MYO9A: variants seen among roughly 807,000 people sequenced by gnomAD.
MYO9A encodes unconventional myosin-IXa.
In MYO9A, 103 loss-of-function variants were observed where a neutral mutation model predicts 293.3. The ratio of observed to expected loss-of-function variants is 0.35; its 90% CI spans 0.30 to 0.41. MYO9A has a LOEUF of 0.41. MYO9A is among the 10% of genes least tolerant of loss of function. The probability of loss-of-function intolerance (pLI) is 1.00; values close to 1 mark genes in which losing one functional copy is unlikely to be tolerated. For synonymous variants in MYO9A, 1,001 were observed against 1,035.7 expected, an observed-to-expected ratio of 0.97 and a Z score of 0.64; for missense variants, 2,685 against 3,033.0, an observed-to-expected ratio of 0.89 and a Z score of 2.69.
chr15:71,827,228 C>T lies in MYO9A; in HGVS notation c.7184-185G>A, dbSNP rs10518970. On this transcript the variant is annotated intron_variant, in intron 41 of 41. Transcript: ENST00000356056. ...CATCCATTTCTCTATGTAGCATTTCCGAATCATCTCCAAGGAAATCTGGTG... is the reference window on the plus strand; with the variant it reads ...CATCCATTTCTCTATGTAGCATTTCTGAATCATCTCCAAGGAAATCTGGTG... 0.05 allele frequency among the ~76,000 whole-genome samples: 7,658 copies of T among 152,214 alleles called. 228 individuals carry two copies. The highest frequency in any genetic ancestry group is 0.078 in the Middle Eastern group (23 of 294).
At chr15:72,046,672 A>G in intron 1 of MYO9A, 38 bp from the exon 2 acceptor site, 1 of 1,331,376 alleles carries the variant, frequency 7.5e-7, no homozygotes, top group East Asian at 2.3e-5. Context: ...AGAAGTAAAT[A>G]CACATTGCTT....
intron 31 of MYO9A, 48 bp from the exon 32 acceptor site, chr15:71,875,886 A>G: frequency 1.9e-6 from 2 of 1,067,878 alleles, no homozygotes; most frequent in Non-Finnish European, 2.5e-6. Flanking sequence ...ACAAAGACTA[A>G]CATACTTTCT....
intron 18 of MYO9A, 87 bp from the exon 19 acceptor site, chr15:71,916,579 T>C: frequency 7.8e-7 from 1 of 1,275,830 alleles, no homozygotes; most frequent in Non-Finnish European, 1.1e-6. Context: ...ATTTCCTATC[T>C]ATATGACCAT....
intron 19 of MYO9A, among the ~76,000 whole-genome samples, chr15:71,909,701 G>C (rs1348852656): frequency 1.3e-5 from 2 of 152,144 alleles, no homozygotes; most frequent in Non-Finnish European, 2.9e-5. Context: ...TTACTTAAGA[G>C]TCGATATTTC....
intron 2 of MYO9A, among the ~76,000 whole-genome samples, chr15:72,037,006 T>C (rs2078067976): frequency 6.6e-6 from 1 of 151,372 alleles, no homozygotes; most frequent in Non-Finnish European, 1.5e-5. Flanking sequence ...GTGCTGGGAT[T>C]ATAAGCATGA....
intron 12 of MYO9A, among the ~76,000 whole-genome samples, chr15:71,975,306 G>C (rs919323332): frequency 6.7e-6 from 1 of 150,112 alleles, no homozygotes; most frequent in African/African-American, 2.4e-5. Flanking sequence ...ATTTTATCGT[G>C]TGTGTGTGTG....
At chr15:71,913,775 T>C (rs2057928611) in intron 19 of MYO9A, among the ~76,000 whole-genome samples, 1 of 152,182 alleles carries the variant, frequency 6.6e-6, no homozygotes, top group Admixed American at 6.5e-5. Context: ...TAAGACTTAA[T>C]TTTTAGTTTT....
intron 4 of MYO9A, among the ~76,000 whole-genome samples, chr15:72,025,712 T>G (rs2077645765): frequency 6.6e-6 from 1 of 152,048 alleles, no homozygotes; most frequent in South Asian, 2.1e-4. Flanking sequence ...ACTGAGAGAC[T>G]GCAATACTCC....
chr15:72,110,930 C>A (rs961146790), intron 1 of MYO9A, among the ~76,000 whole-genome samples: 1 of 152,070 alleles, frequency 6.6e-6, no homozygotes, highest in Admixed American at 6.6e-5. Flanking sequence ...GAGGCCGAAG[C>A]GGGCGGATCA....
chr15:72,092,007 C>T (rs535081301), intron 1 of MYO9A, among the ~76,000 whole-genome samples: 107 of 152,144 alleles, frequency 7.0e-4, no homozygotes, highest in African/African-American at 2.4e-3. Flanking sequence ...TTAGCCATCG[C>T]GCCCGGCGAA....
At chr15:71,899,631 T>C in intron 24 of MYO9A, 56 bp downstream of exon 24, 5 of 1,452,878 alleles carry the variant, frequency 3.4e-6, no homozygotes, top group Non-Finnish European at 4.7e-6. Flanking sequence ...TGCAGAGGTA[T>C]AAACAAAGTA....
rs952355399 is a variant in MYO9A at position 71,892,877 on chromosome 15, G to A, written c.5142+802C>T. On this transcript the variant is annotated intron_variant, in intron 26 of 41. Coordinates refer to ENST00000356056, the MANE Select transcript of MYO9A (RefSeq NM_006901.4). ...TTCCCATGCACAAACCATTACATGG[G>A]AAGAAGCTGTGAAGGTTAGCTTTAG... 3.6e-6 allele frequency: 3 copies of A among 824,542 alleles called. No individual in the cohort carries two copies. The South Asian group carries it at 5.4e-5, about 15-fold the overall frequency. The allele number at this position is 824,542 out of a possible 1,614,324, so 51.1% of individuals were successfully genotyped here.
chr15:71,994,634 G>C (rs760472068), intron 9 of MYO9A, 49 bp from the exon 10 acceptor site: 4 of 1,125,984 alleles, frequency 3.6e-6, no homozygotes, highest in African/African-American at 3.2e-5. Context: ...CAATGATTAA[G>C]ATACTATGAC....
intron 1 of MYO9A, among the ~76,000 whole-genome samples, chr15:72,104,197 C>A (rs1042981445): frequency 6.6e-6 from 1 of 152,300 alleles, no homozygotes; most frequent in Admixed American, 6.5e-5. Context: ...AACAACTGAT[C>A]CTCAATAGTA....
At chr15:71,963,467 A>G (rs1327811575) in intron 13 of MYO9A, among the ~76,000 whole-genome samples, 1 of 150,864 alleles carries the variant, frequency 6.6e-6, no homozygotes, top group East Asian at 2.0e-4. Flanking sequence ...ATGTATTTAG[A>G]GACAGAGTTT....
intron 33 of MYO9A, 79 bp from the exon 34 acceptor site, chr15:71,859,875 T>C: frequency 8.0e-7 from 1 of 1,247,326 alleles, no homozygotes; most frequent in Non-Finnish European, 1.1e-6. Context: ...TACTTTATTT[T>C]AGACCTACGT....
At chr15:71,875,681 T>G (rs1446950831) in intron 32 of MYO9A, 110 bp downstream of exon 32, 1 of 470,232 alleles carries the variant, frequency 2.1e-6, no homozygotes, top group Non-Finnish European at 3.6e-6. Flanking sequence ...ATTGCCTAGG[T>G]ACCTGATAAA....
intron 19 of MYO9A, among the ~76,000 whole-genome samples, chr15:71,910,863 CT>C (rs1043613371): frequency 3.6e-4 from 55 of 152,164 alleles, no homozygotes; most frequent in African/African-American, 1.3e-3. Context: ...TATACAAGTC[CT>C]TTTTTAGTCT....
intron 1 of MYO9A, among the ~76,000 whole-genome samples, chr15:72,065,219 G>A (rs1204442964): frequency 6.6e-6 from 1 of 152,090 alleles, no homozygotes; most frequent in African/African-American, 2.4e-5. Flanking sequence ...TAGATCAAAT[G>A]AGAATATTTA....
Sources: allele counts gnomAD v4.1 joint callset (sites outside exome capture counted in the v4.1 genomes callset), GRCh38; gene constraint gnomAD v4.1.1; transcripts MANE v1.5; gene names NCBI Gene and HGNC (gene_info 2026-07-23, HGNC 2026-07-21).